Variants in MAPK8IP1 observed in about 807,000 individuals in gnomAD.
MAPK8IP1 encodes the protein mitogen-activated protein kinase 8 interacting protein 1, also known as C-Jun-amino-terminal kinase-interacting protein 1.
MAPK8IP1 carries 17 observed loss-of-function variants against 72.6 expected under a neutral mutation model. The observed-to-expected ratio is 0.23, with a 90% CI of 0.16 to 0.35. The LOEUF (loss-of-function observed/expected upper bound fraction) is 0.35. MAPK8IP1 is among the 10% of genes least tolerant of loss of function. MAPK8IP1 has a pLI of 1.00. For synonymous variants in MAPK8IP1, 401 were observed against 443.4 expected (o/e 0.90, Z 1.20); for missense variants, 789 against 1,009.7 (o/e 0.78, Z 2.96).
In MAPK8IP1 at chr11:45,902,356, C is replaced by T. The variant is rs1262014706; in HGVS notation, c.605-16C>T. 6.5e-7 allele frequency: 1 copy of T among 1,548,766 alleles called. No individual in the cohort carries two copies. Among genetic ancestry groups the T allele is most frequent in the Non-Finnish European group, 8.7e-7 (1 of 1,144,818 alleles). On this transcript the variant is annotated splice_polypyrimidine_tract_variant and intron_variant, in intron 4 of 11. Coordinates refer to ENST00000241014, the MANE Select transcript of MAPK8IP1 (RefSeq NM_005456.4). This position sits in a 1 kb window ranked among gnomAD's most constrained non-coding sequence, Gnocchi z 9.3. ...TGGGAGAGAGCCCCTGCCTTCATGA[C>T]CTGCCTGCTCTCCAGGGGAGCAGAC...
intron 1 of MAPK8IP1, 134 bp downstream of exon 1, chr11:45,886,055 C>T (rs2086524786): frequency 6.2e-6 from 3 of 487,270 alleles, no homozygotes; most frequent in Middle Eastern, 3.0e-4. Context: ...GGTCTCTTCC[C>T]GGGACAGAGC....
chr11:45,898,403 C>T (rs138384416), intron 2 of MAPK8IP1, among the ~76,000 whole-genome samples: 2 of 152,164 alleles, frequency 1.3e-5, no homozygotes, highest in East Asian at 1.9e-4. Context: ...TTACTGCTGT[C>T]GGGGACTAAG....
rs1362389443 is a variant in MAPK8IP1 at position 45,903,654 on chromosome 11, G to A, written c.1493+214G>A. Among the ~76,000 whole-genome samples the A allele has an allele frequency of 6.6e-6, 1 of 152,184 alleles. No homozygotes were observed. Among genetic ancestry groups the A allele is most frequent in the Non-Finnish European group, 1.5e-5 (1 of 68,030 alleles). On this transcript the variant is annotated intron_variant, in intron 6 of 11. Coordinates refer to ENST00000241014, the MANE Select transcript of MAPK8IP1 (RefSeq NM_005456.4). This position sits in a 1 kb window ranked among gnomAD's most constrained non-coding sequence, Gnocchi z 6.4. ...GAGGGATCCCAGAACTGTGCACCTA[G>A]TCTGGCCAGGGGCAGGGCACCCAGG...
intron 1 of MAPK8IP1, among the ~76,000 whole-genome samples, chr11:45,889,072 AT>A (rs1034710309): frequency 2.9e-4 from 44 of 152,260 alleles, no homozygotes; most frequent in African/African-American, 1.0e-3. Context: ...CAGATTTCTA[AT>A]TTTTTTGGAT....
chr11:45,886,038 G>T, intron 1 of MAPK8IP1, 117 bp downstream of exon 1: 1 of 584,894 alleles, frequency 1.7e-6, no homozygotes, highest in Non-Finnish European at 2.7e-6. Flanking sequence ...GGGCTGCGTG[G>T]GAGTGGGGTC....
At chr11:45,885,997 AC>A in intron 1 of MAPK8IP1, 76 bp downstream of exon 1, 1 of 782,804 alleles carries the variant, frequency 1.3e-6, no homozygotes, top group Non-Finnish European at 1.7e-6. Flanking sequence ...CCCGCCCCCC[AC>A]CCCAGAACCT....
intron 1 of MAPK8IP1, 105 bp from the exon 2 acceptor site, chr11:45,897,980 G>A: frequency 2.8e-6 from 2 of 717,426 alleles, no homozygotes; most frequent in South Asian, 1.5e-5. Flanking sequence ...GTCCTCTGGG[G>A]GCTGTGTTTG....
chr11:45,896,445 A>T, intron 1 of MAPK8IP1: 1 of 841,682 alleles, frequency 1.2e-6, no homozygotes, highest in Non-Finnish European at 1.4e-6. Context: ...TTTTGGGGGG[A>T]AACATCCTAG....
At chr11:45,889,210 A>G (rs2086548837) in intron 1 of MAPK8IP1, among the ~76,000 whole-genome samples, 1 of 152,218 alleles carries the variant, frequency 6.6e-6, no homozygotes, top group Middle Eastern at 3.2e-3. Flanking sequence ...AATAATTTAA[A>G]TAATTGTGTG....
At chr11:45,891,179 G>A (rs2086563768) in intron 1 of MAPK8IP1, among the ~76,000 whole-genome samples, 1 of 152,192 alleles carries the variant, frequency 6.6e-6, no homozygotes, top group South Asian at 2.1e-4. Context: ...CTGGAAATGG[G>A]CCACAACACA....
rs1218105158 is a variant in MAPK8IP1, at chr11:45,900,818, G to T, written c.522+366G>T. On this transcript the variant is annotated intron_variant, in intron 3 of 11. Coordinates refer to ENST00000241014, the MANE Select transcript of MAPK8IP1 (RefSeq NM_005456.4). The surrounding 1 kb of genome is among the most constrained non-coding windows in gnomAD (Gnocchi z 6.5). ...TCCTTTAGGATATGGGGCTCCTGGTGAAAGTGGAGCAGGAGCAGGGCCTGG... is the reference window on the plus strand; with the variant it reads ...TCCTTTAGGATATGGGGCTCCTGGTTAAAGTGGAGCAGGAGCAGGGCCTGG... Among the ~76,000 whole-genome samples, 1 of 152,132 alleles carries T rather than the reference G, an allele frequency of 6.6e-6. No homozygotes were observed. The highest frequency in any genetic ancestry group is 2.4e-5 in the African/African-American group (1 of 41,436).
At position 45,900,102 on chromosome 11, in the gene MAPK8IP1, G is replaced by GCCCCGC; in HGVS notation, c.208-31_208-26dup. The GCCCCGC allele has an allele frequency of 8.5e-7, 1 of 1,181,374 alleles. No individual in the cohort carries two copies. Among genetic ancestry groups the GCCCCGC allele is most frequent in the Non-Finnish European group, 1.0e-6 (1 of 953,428 alleles). 73.2% of individuals were successfully genotyped at this position (1,181,374 alleles called of 1,614,324 possible). Reference sequence around the variant, plus strand: ...TGCAAGCGGCCTCGGCCCCGCCCCGGCCCCGCCCCCTGACGCCCCTCCGTG... The same window carrying GCCCCGC: ...TGCAAGCGGCCTCGGCCCCGCCCCGGCCCCGCCCCCGCCCCCTGACGCCCCTCCGTG... On this transcript the variant is annotated intron_variant, in intron 2 of 11. Coordinates refer to ENST00000241014, the MANE Select transcript of MAPK8IP1 (RefSeq NM_005456.4). The surrounding 1 kb of genome is among the most constrained non-coding windows in gnomAD (Gnocchi z 6.5).
chr11:45,899,920 G>T (rs2086636093), intron 2 of MAPK8IP1, among the ~76,000 whole-genome samples: 2 of 152,164 alleles, frequency 1.3e-5, no homozygotes, highest in Admixed American at 1.3e-4. Context: ...CTGTGGGGAG[G>T]TGCTGGCCGT....
chr11:45,902,097 C>A lies in MAPK8IP1; in HGVS notation c.604+36C>A. The A allele has an allele frequency of 6.4e-7, 1 of 1,558,802 alleles. No individual in the cohort carries two copies. Among genetic ancestry groups the A allele is most frequent in the Non-Finnish European group, 8.9e-7 (1 of 1,129,652 alleles). ...GCCCTCTTCCTTACCTGGACCTCCGCCTGCCCTGACTCAGTCCCCACTACA... is the reference window on the plus strand; with the variant it reads ...GCCCTCTTCCTTACCTGGACCTCCGACTGCCCTGACTCAGTCCCCACTACA... On this transcript the variant is annotated intron_variant, in intron 4 of 11. Coordinates refer to ENST00000241014, the MANE Select transcript of MAPK8IP1 (RefSeq NM_005456.4). This position sits in a 1 kb window ranked among gnomAD's most constrained non-coding sequence, Gnocchi z 9.3.
At position 45,904,759 on chromosome 11, in the gene MAPK8IP1, C is replaced by G. The variant is rs776384306; in HGVS notation, c.1818C>G (p.Pro606=). The change falls in exon 9 of 12, where the codon CCC becomes CCG. Residue 606 remains proline (P), a synonymous_variant. Coordinates refer to ENST00000241014, the MANE Select transcript of MAPK8IP1 (RefSeq NM_005456.4). The surrounding 1 kb of genome is among the most constrained non-coding windows in gnomAD (Gnocchi z 6.4). ...GGCTCACCGTGCACTTTAACCCGCC[C>G]TCCAGCTGTGTCCTGGAGATCAGCG... is the stretch of plus-strand genomic sequence containing the variant. ...TRRLTVHFNP[P]SSCVLEISVR... 6 of 1,613,946 alleles carry G rather than the reference C, an allele frequency of 3.7e-6. No homozygotes were observed. In the African/African-American group the frequency reaches 4.0e-5, roughly 11 times the overall value.
In MAPK8IP1 at chr11:45,902,625, G is replaced by A. The variant is rs920663225; in HGVS notation, c.858G>A (p.Val286=). 1.2e-6 allele frequency: 2 copies of A among 1,612,816 alleles called. No individual in the cohort carries two copies. The highest frequency in any genetic ancestry group is 1.1e-5 in the South Asian group (1 of 91,082). The change falls in exon 5 of 12, where the codon GTG becomes GTA. Residue 286 remains valine, a synonymous_variant. Coordinates refer to ENST00000241014, the MANE Select transcript of MAPK8IP1 (RefSeq NM_005456.4). This position sits in a 1 kb window ranked among gnomAD's most constrained non-coding sequence, Gnocchi z 9.3. ...CTGAGGAGATCTACCTGACCCCAGTGCAGAGGCCCCCAGACGCTGCAGAGC... is the reference window on the plus strand; with the variant it reads ...CTGAGGAGATCTACCTGACCCCAGTACAGAGGCCCCCAGACGCTGCAGAGC... ...EATEEIYLTP[V]QRPPDAAEPT...
Position 45,900,010 on chromosome 11 carries a change from G to C in MAPK8IP1, c.208-128G>C. 2.0e-6 allele frequency: 1 copy of C among 497,776 alleles called. No homozygotes were observed. The highest frequency in any genetic ancestry group is 2.8e-6 in the Non-Finnish European group (1 of 351,520). 30.8% of individuals were successfully genotyped at this position (497,776 alleles called of 1,614,324 possible). A position where few individuals can be genotyped will look rare whatever the true frequency, so the allele number is the denominator to read the frequency against. On this transcript the variant is annotated intron_variant, in intron 2 of 11. Transcript: ENST00000241014. The surrounding 1 kb of genome is among the most constrained non-coding windows in gnomAD (Gnocchi z 6.5). ...GGGCGAGAGCGCCCCAGTCTCCGGC[G>C]GCCCCTGCTCGGCTCCCCTCGTGCC...
intron 2 of MAPK8IP1, among the ~76,000 whole-genome samples, chr11:45,898,398 G>A (rs2086623891): frequency 6.6e-6 from 1 of 152,136 alleles, no homozygotes; most frequent in African/African-American, 2.4e-5. Context: ...TATTATTACT[G>A]CTGTCGGGGA....
intron 1 of MAPK8IP1, among the ~76,000 whole-genome samples, chr11:45,890,906 G>A (rs145756929): frequency 3.3e-5 from 5 of 152,290 alleles, no homozygotes; most frequent in Non-Finnish European, 7.4e-5. Context: ...AAGCCTCAGA[G>A]AGGACATCAC....
Sources: gnomAD v4.1 joint callset for allele counts (sites outside exome capture counted in the v4.1 genomes callset) on GRCh38, gnomAD v4.1.1 for gene constraint, Gnocchi (gnomAD v3.1) non-coding constraint, MANE v1.5 for transcripts, NCBI Gene and HGNC (gene_info 2026-07-23, HGNC 2026-07-21) for gene names.